Variants in TMEM114 observed in about 807,000 individuals in gnomAD.
TMEM114 encodes the protein transmembrane protein 114, also known as claudin-26.
TMEM114 carries 6 observed loss-of-function variants against 6.2 expected under a neutral mutation model. The ratio of observed to expected loss-of-function variants is 0.97; its 90% CI spans 0.53 to 1.91. The LOEUF (loss-of-function observed/expected upper bound fraction) is 1.91. Ranked by LOEUF, TMEM114 falls within the 40% of genes most tolerant of loss-of-function variation. The pLI is 0.01. For missense variants in TMEM114, 218 were observed against 158.3 expected (o/e 1.38, Z -2.02); for synonymous variants, 104 against 73.0 (o/e 1.42, Z -2.16).
chr16:8,561,861 TGAGG>T (rs1158705391), intron 2 of TMEM114, among the ~76,000 whole-genome samples: 4 of 125,678 alleles, frequency 3.2e-5, no homozygotes, highest in East Asian at 2.6e-4. Context: ...AATGAGTGAG[TGAGG>T]GAATGAGTGA....
chr16:8,554,199 A>C (rs2141661890), intron 2 of TMEM114, among the ~76,000 whole-genome samples: 1 of 152,094 alleles, frequency 6.6e-6, no homozygotes. Flanking sequence ...TCTGTTCTTT[A>C]ATTTTCCCCT....
chr16:8,559,658 GAGGAAATAGAAATGAATGTGGGA>G (rs1901135995), intron 2 of TMEM114, among the ~76,000 whole-genome samples: 4 of 152,212 alleles, frequency 2.6e-5, no homozygotes, highest in Non-Finnish European at 4.4e-5. Flanking sequence ...GCATTTCATT[GAGGAAATAGAAATGAATGTGGGA>G]CAGACGTCGA....
chr16:8,540,258 T>C (rs1327113266), intron 2 of TMEM114, among the ~76,000 whole-genome samples: 1 of 152,194 alleles, frequency 6.6e-6, no homozygotes, highest in Admixed American at 6.5e-5. Flanking sequence ...TGAACTACTT[T>C]TCCATAAAAT....
intron 2 of TMEM114, among the ~76,000 whole-genome samples, chr16:8,547,918 G>A (rs1596469652): frequency 6.6e-6 from 1 of 152,102 alleles, no homozygotes; most frequent in Non-Finnish European, 1.5e-5. Flanking sequence ...ATGGGCCTGT[G>A]GCCTGCTCTT....
intron 3 of TMEM114, among the ~76,000 whole-genome samples, 164 bp from the exon 4 acceptor site, chr16:8,570,169 C>T (rs1444996667): frequency 6.6e-6 from 1 of 152,190 alleles, no homozygotes; most frequent in African/African-American, 2.4e-5. Context: ...GTGCATTCAC[C>T]CCTGCTTCTC....
intron 2 of TMEM114, among the ~76,000 whole-genome samples, chr16:8,545,635 G>C (rs1290812509): frequency 6.6e-6 from 1 of 152,080 alleles, no homozygotes; most frequent in Non-Finnish European, 1.5e-5. Flanking sequence ...TCATTAGTGG[G>C]GTCTGAGAAT....
intron 2 of TMEM114, among the ~76,000 whole-genome samples, chr16:8,559,593 A>G (rs891545491): frequency 6.6e-6 from 1 of 152,182 alleles, no homozygotes; most frequent in Non-Finnish European, 1.5e-5. Flanking sequence ...TGAATATTTT[A>G]TCAGTCATCA....
At chr16:8,572,410 C>T (rs910737717) in intron 2 of TMEM114, 186 bp from the exon 3 acceptor site, 6 of 664,588 alleles carry the variant, frequency 9.0e-6, no homozygotes, top group Admixed American at 2.6e-5. Context: ...AGGCTCATCT[C>T]GTGCAAGGCT....
At chr16:8,587,105 G>C (rs1175704106) in intron 2 of TMEM114, among the ~76,000 whole-genome samples, 1 of 152,130 alleles carries the variant, frequency 6.6e-6, no homozygotes, top group African/African-American at 2.4e-5. Context: ...ATAGGCAAAT[G>C]CTACAAACCA....
chr16:8,545,227 C>T (rs1900627145), intron 2 of TMEM114, among the ~76,000 whole-genome samples: 1 of 152,098 alleles, frequency 6.6e-6, no homozygotes, highest in Non-Finnish European at 1.5e-5. Flanking sequence ...TACTTGCATC[C>T]ACGAGTCCAA....
At chr16:8,579,408 G>A (rs1481673656) in intron 2 of TMEM114, among the ~76,000 whole-genome samples, 1 of 152,106 alleles carries the variant, frequency 6.6e-6, no homozygotes, top group Non-Finnish European at 1.5e-5. Flanking sequence ...AGAGCTCAGA[G>A]CTATGCAGCC....
At chr16:8,561,476 C>G (rs1180996213) in intron 2 of TMEM114, among the ~76,000 whole-genome samples, 1 of 152,222 alleles carries the variant, frequency 6.6e-6, no homozygotes, top group Non-Finnish European at 1.5e-5. Flanking sequence ...GCACAGACCC[C>G]AGAATGTCAG....
intron 2 of TMEM114, among the ~76,000 whole-genome samples, chr16:8,559,163 C>T (rs1901118363): frequency 6.6e-6 from 1 of 152,124 alleles, no homozygotes; most frequent in Admixed American, 6.6e-5. Context: ...CTGCCTCAGC[C>T]TCCTGGTTAG....
At chr16:8,586,235 G>A (rs957640767) in intron 2 of TMEM114, among the ~76,000 whole-genome samples, 1 of 152,214 alleles carries the variant, frequency 6.6e-6, no homozygotes, top group African/African-American at 2.4e-5. Context: ...CTGGAAACTC[G>A]ATGTCAAGTC....
intron 2 of TMEM114, 50 bp from the exon 3 acceptor site, chr16:8,572,274 T>A (rs1433514525): frequency 1.3e-6 from 2 of 1,549,104 alleles, no homozygotes; most frequent in Non-Finnish European, 1.7e-6. Flanking sequence ...ACTAACATCC[T>A]TCATTCAATC....
At chr16:8,539,626 G>A (rs1187360869) in intron 2 of TMEM114, among the ~76,000 whole-genome samples, 1 of 152,090 alleles carries the variant, frequency 6.6e-6, no homozygotes, top group Non-Finnish European at 1.5e-5. Flanking sequence ...TGTATCAGCT[G>A]GAAGCACTCT....
chr16:8,585,064 C>G (rs1902278458), intron 2 of TMEM114, among the ~76,000 whole-genome samples: 2 of 152,052 alleles, frequency 1.3e-5, no homozygotes, highest in African/African-American at 4.8e-5. Flanking sequence ...ACAATCCTGG[C>G]TGAAGGTGAA....
At chr16:8,583,160 G>A (rs1442157352) in intron 2 of TMEM114, among the ~76,000 whole-genome samples, 1 of 152,160 alleles carries the variant, frequency 6.6e-6, no homozygotes, top group Non-Finnish European at 1.5e-5. Context: ...TCAGAATGGT[G>A]TCCAGCACAC....
At chr16:8,587,696 T>A (rs1902358156) in intron 2 of TMEM114, among the ~76,000 whole-genome samples, 1 of 152,152 alleles carries the variant, frequency 6.6e-6, no homozygotes, top group Non-Finnish European at 1.5e-5. Context: ...CCTCAGTAAG[T>A]CTATCAAAAA....
Sources: gnomAD v4.1 joint callset for allele counts (sites outside exome capture counted in the v4.1 genomes callset) on GRCh38, gnomAD v4.1.1 for gene constraint, MANE v1.5 for transcripts, NCBI Gene and HGNC (gene_info 2026-07-23, HGNC 2026-07-21) for gene names.